Variants in CACNA2D1 observed in about 807,000 individuals in gnomAD.
CACNA2D1 encodes the protein calcium voltage-gated channel auxiliary subunit alpha2delta 1.
In CACNA2D1, 53 loss-of-function variants were observed where a neutral mutation model predicts 171.5. That is an observed-to-expected ratio of 0.31 (90% CI 0.25 to 0.39). CACNA2D1 has a LOEUF of 0.39. Ranked by LOEUF, CACNA2D1 falls within the 10% of genes least tolerant of loss-of-function variation. The probability of loss-of-function intolerance (pLI) is 1.00; values close to 1 mark genes in which losing one functional copy is unlikely to be tolerated. For missense variants in CACNA2D1, 903 were observed against 1,299.8 expected (o/e 0.69, Z 4.69); for synonymous variants, 442 against 443.1 (o/e 1.00, Z 0.03).
chr7:81,962,987 A>G (rs186486588), intron 34 of CACNA2D1, among the ~76,000 whole-genome samples: 3 of 152,162 alleles, frequency 2.0e-5, no homozygotes, highest in Non-Finnish European at 2.9e-5. Flanking sequence ...GAAACAAAAT[A>G]TACATATTAG....
intron 1 of CACNA2D1, among the ~76,000 whole-genome samples, chr7:82,411,370 T>TA (rs1408811673): frequency 6.6e-6 from 1 of 152,170 alleles, no homozygotes; most frequent in Non-Finnish European, 1.5e-5. Flanking sequence ...TCTTCATTTA[T>TA]AAAAACGAAA....
chr7:82,170,063 C>A (rs1382665487), intron 4 of CACNA2D1, among the ~76,000 whole-genome samples: 1 of 151,512 alleles, frequency 6.6e-6, no homozygotes, highest in African/African-American at 2.4e-5. Context: ...TTACTTCTAG[C>A]TAAAGTGAAG....
At chr7:82,100,632 T>C (rs1433116772) in intron 6 of CACNA2D1, among the ~76,000 whole-genome samples, 1 of 152,196 alleles carries the variant, frequency 6.6e-6, no homozygotes, top group Non-Finnish European at 1.5e-5. Context: ...TTTGAATCAA[T>C]GCACAGCTTG....
chr7:82,375,566 C>G (rs1035363148), intron 1 of CACNA2D1, among the ~76,000 whole-genome samples: 2 of 152,000 alleles, frequency 1.3e-5, no homozygotes, highest in Non-Finnish European at 2.9e-5. Context: ...TCTTGGAGTA[C>G]GTATTATCTA....
chr7:82,406,664 T>C (rs139421720), intron 1 of CACNA2D1, among the ~76,000 whole-genome samples: 3,158 of 152,336 alleles, frequency 0.021, 110 homozygotes, highest in East Asian at 0.12. Context: ...CATTTTTTCA[T>C]GTGTCTGTTG....
chr7:82,146,311 C>CAT (rs1554429876), intron 4 of CACNA2D1, among the ~76,000 whole-genome samples: 1 of 134,640 alleles, frequency 7.4e-6, no homozygotes, highest in Non-Finnish European at 1.6e-5. Context: ...TATATATATA[C>CAT]GTGTGTGTGT....
chr7:82,064,113 TTCA>T (rs1693663368), intron 9 of CACNA2D1, among the ~76,000 whole-genome samples, 188 bp downstream of exon 9: 2 of 152,028 alleles, frequency 1.3e-5, no homozygotes, highest in South Asian at 2.1e-4. Context: ...ATAGATTCTC[TTCA>T]TGTTTAATTA....
rs183283777 is a variant in CACNA2D1, at chr7:82,002,458, G to A, written c.1590+2965C>T. On this transcript the variant is annotated intron_variant, in intron 18 of 38. Coordinates refer to ENST00000356860, the MANE Select transcript of CACNA2D1 (RefSeq NM_000722.4). ...CCTGAATGAACCAAGAAAATTGTAC[G>A]ATATTAAAAAGTTTTAACGTTTCAT... Among the ~76,000 whole-genome samples the A allele has an allele frequency of 4.9e-4, 75 of 152,262 alleles. 1 individual carries two copies. In the East Asian group the frequency reaches 0.011, roughly 22 times the overall value.
At chr7:82,078,303 G>A (rs1031576000) in intron 7 of CACNA2D1, among the ~76,000 whole-genome samples, 2 of 152,072 alleles carry the variant, frequency 1.3e-5, no homozygotes, top group African/African-American at 2.4e-5. Flanking sequence ...AAAAAAAAGA[G>A]TAAGTGCTGG....
intron 3 of CACNA2D1, among the ~76,000 whole-genome samples, chr7:82,269,927 C>T (rs528736896): frequency 5.9e-5 from 9 of 152,232 alleles, no homozygotes; most frequent in African/African-American, 2.2e-4. Flanking sequence ...AAAATCATCT[C>T]TAAAATCACT....
At chr7:82,273,194 A>T (rs529670453) in intron 3 of CACNA2D1, among the ~76,000 whole-genome samples, 2 of 152,264 alleles carry the variant, frequency 1.3e-5, no homozygotes, top group African/African-American at 4.8e-5. Context: ...AAACTGCTAA[A>T]CAATTCCAGA....
Position 82,073,462 on chromosome 7 carries a change from G to T in CACNA2D1, c.659-6938C>A, listed in dbSNP as rs145705823. Among the ~76,000 whole-genome samples the T allele has an allele frequency of 1.1e-4, 16 of 152,072 alleles. No individual in the cohort carries two copies. In the East Asian group the frequency reaches 3.1e-3, roughly 29 times the overall value. On this transcript the variant is annotated intron_variant, in intron 7 of 38. Coordinates refer to ENST00000356860, the MANE Select transcript of CACNA2D1 (RefSeq NM_000722.4). Reference sequence around the variant, plus strand: ...CATAGATTGAAATGGTTTTTAAAATGGCATATGCAAAATAAATTCTGGAAG... The same window carrying T: ...CATAGATTGAAATGGTTTTTAAAATTGCATATGCAAAATAAATTCTGGAAG...
Position 82,066,937 on chromosome 7 carries a change from G to C in CACNA2D1, c.659-413C>G, listed in dbSNP as rs528846801. On this transcript the variant is annotated intron_variant, in intron 7 of 38. Transcript: ENST00000356860. The stretch of plus-strand genomic sequence containing the variant: ...ATATTCTCTTGGTCTATATAAGACA[G>C]CTGTTTTTCTTGGGTTTTTATGTAA... Among the ~76,000 whole-genome samples, 3 of 152,144 alleles carry C rather than the reference G, an allele frequency of 2.0e-5. No homozygotes were observed. The East Asian group carries it at 5.8e-4, about 29-fold the overall frequency.
intron 1 of CACNA2D1, among the ~76,000 whole-genome samples, chr7:82,373,511 G>A (rs570616226): frequency 2.4e-4 from 37 of 152,142 alleles, no homozygotes; most frequent in African/African-American, 6.7e-4. Context: ...ATTGTTACAG[G>A]ATCTCATACA....
chr7:82,164,992 AATCTACTCCAGACTAAAC>A (rs1251061136), intron 4 of CACNA2D1, among the ~76,000 whole-genome samples: 1 of 151,988 alleles, frequency 6.6e-6, no homozygotes, highest in Non-Finnish European at 1.5e-5. Flanking sequence ...TGGTGGCAGT[AATCTACTCCAGACTAAAC>A]ATCAATGAGG....
At chr7:82,103,511 C>T (rs543878988) in intron 6 of CACNA2D1, among the ~76,000 whole-genome samples, 1 of 152,158 alleles carries the variant, frequency 6.6e-6, no homozygotes, top group East Asian at 1.9e-4. Context: ...GTACATAATT[C>T]TTAATGTCGA....
intron 3 of CACNA2D1, among the ~76,000 whole-genome samples, chr7:82,334,409 C>A (rs1270476332): frequency 1.3e-5 from 2 of 152,034 alleles, no homozygotes; most frequent in African/African-American, 2.4e-5. Flanking sequence ...TAATAGTATC[C>A]ATCTGGAATA....
In CACNA2D1 at chr7:82,443,737, A is replaced by G; in HGVS notation, c.-278T>C. On this transcript the variant is annotated 5_prime_UTR_variant, in exon 1 of 39. Transcript: ENST00000356860. ...GCCGCCATCAAGGGCGACTTTGGAA[A>G]CAGACCTCGGCGAGCCCGCCGGCGC... is the stretch of plus-strand genomic sequence containing the variant. The G allele has an allele frequency of 2.5e-6, 3 of 1,220,740 alleles. No homozygotes were observed. The highest frequency in any genetic ancestry group is 3.1e-6 in the Non-Finnish European group (3 of 978,286). 75.6% of individuals were successfully genotyped at this position (1,220,740 alleles called of 1,614,324 possible).
At chr7:82,154,306 A>G (rs1315994351) in intron 4 of CACNA2D1, among the ~76,000 whole-genome samples, 4 of 152,116 alleles carry the variant, frequency 2.6e-5, no homozygotes, top group Admixed American at 1.3e-4. Context: ...CAAATGCTTC[A>G]AGAAGTATGT....
Sources: gnomAD v4.1 joint callset for allele counts (sites outside exome capture counted in the v4.1 genomes callset) on GRCh38, gnomAD v4.1.1 for gene constraint, MANE v1.5 for transcripts, NCBI Gene and HGNC (gene_info 2026-07-23, HGNC 2026-07-21) for gene names.